Variants in PDE11A observed in about 807,000 individuals in gnomAD.
PDE11A encodes the protein phosphodiesterase 11A, also known as dual 3',5'-cyclic-AMP and -GMP phosphodiesterase 11A.
Under a neutral mutation model 100.5 loss-of-function variants are expected in PDE11A, and 100 were observed. That is an observed-to-expected ratio of 1.00 (90% CI 0.85 to 1.18). The LOEUF is 1.18. Ranked by LOEUF, PDE11A falls within the 50% of genes most tolerant of loss-of-function variation. PDE11A has a pLI of 0.00. For synonymous variants in PDE11A, 381 were observed against 420.8 expected (o/e 0.91, Z 1.16); for missense variants, 1,141 against 1,152.6 (o/e 0.99, Z 0.15).
intron 2 of PDE11A, among the ~76,000 whole-genome samples, chr2:177,957,587 G>C (rs577127353): frequency 4.1e-4 from 62 of 152,202 alleles, no homozygotes; most frequent in Admixed American, 1.1e-3. Flanking sequence ...AAATAAAACA[G>C]AGCCCATTGA....
rs894311622 is a variant in PDE11A, at chr2:178,061,554, G to A, written c.912+9972C>T. On this transcript the variant is annotated intron_variant, in intron 1 of 19. Coordinates refer to ENST00000286063, the MANE Select transcript of PDE11A (RefSeq NM_016953.4). ...AAGCGTCTACTCTATGCCAGATCCC[G>A]TGGTAGGTACTAAGTTAGAATTCAA... is the stretch of plus-strand genomic sequence containing the variant. Among the ~76,000 whole-genome samples the A allele has an allele frequency of 6.6e-5, 10 of 152,142 alleles. 1 individual carries two copies. Among genetic ancestry groups the A allele is most frequent in the African/African-American group, 1.9e-4 (8 of 41,424 alleles).
chr2:177,941,249 A>G (rs975246823), intron 2 of PDE11A, among the ~76,000 whole-genome samples: 1 of 152,154 alleles, frequency 6.6e-6, no homozygotes, highest in Non-Finnish European at 1.5e-5. Flanking sequence ...CTTGCCCTAA[A>G]CTTTCCACCT....
chr2:177,890,046 C>T (rs2105717267), intron 4 of PDE11A, among the ~76,000 whole-genome samples: 2 of 152,210 alleles, frequency 1.3e-5, no homozygotes, highest in Admixed American at 1.3e-4. Flanking sequence ...ATTTGAATTT[C>T]AGTTTATTGT....
chr2:177,972,986 T>G (rs2085791668), intron 2 of PDE11A, among the ~76,000 whole-genome samples: 1 of 152,104 alleles, frequency 6.6e-6, no homozygotes, highest in African/African-American at 2.4e-5. Context: ...ATAAGGCAGT[T>G]TGGGAGTTCT....
intron 12 of PDE11A, among the ~76,000 whole-genome samples, chr2:177,720,646 G>C (rs924769461): frequency 2.0e-5 from 3 of 152,168 alleles, no homozygotes; most frequent in African/African-American, 7.2e-5. Context: ...TCCTTTACCA[G>C]AGTATGCAAT....
chr2:178,006,050 C>A (rs1234891549), intron 2 of PDE11A, among the ~76,000 whole-genome samples: 1 of 152,120 alleles, frequency 6.6e-6, no homozygotes, highest in African/African-American at 2.4e-5. Flanking sequence ...TACATGCATA[C>A]CAAGCATTAT....
chr2:177,688,380 G>A (rs968135588), intron 15 of PDE11A: 1 of 152,214 alleles, frequency 6.6e-6, no homozygotes, highest in East Asian at 1.9e-4. Context: ...GAACAAGTTT[G>A]CCTATACAGC....
At chr2:177,868,023 G>A (rs2084059848) in intron 5 of PDE11A, among the ~76,000 whole-genome samples, 1 of 152,168 alleles carries the variant, frequency 6.6e-6, no homozygotes. Flanking sequence ...TTTGGGCCAT[G>A]GTGGCTGGAA....
At position 177,980,286 on chromosome 2, in the gene PDE11A, C is replaced by T. The variant is rs1239219309; in HGVS notation, c.1071+34016G>A. On this transcript the variant is annotated intron_variant, in intron 2 of 19. Coordinates refer to ENST00000286063, the MANE Select transcript of PDE11A (RefSeq NM_016953.4). ...ATTTGATAGTTTTAGCTTTTATATC[C>T]TATGACTAATGTCCAATCAACTGTC... is the stretch of plus-strand genomic sequence containing the variant. Among the ~76,000 whole-genome samples, 4 of 150,822 alleles carry T rather than the reference C, an allele frequency of 2.7e-5. 1 individual carries two copies. The highest frequency in any genetic ancestry group is 7.3e-5 in the African/African-American group (3 of 41,348).
chr2:178,072,088 G>T lies in PDE11A; in HGVS notation c.350C>A (p.Ser117Tyr). 1 of 1,614,144 alleles carries T rather than the reference G, an allele frequency of 6.2e-7. No homozygotes were observed. Among genetic ancestry groups the T allele is most frequent in the Non-Finnish European group, 8.5e-7 (1 of 1,180,004 alleles). Residue 117 changes from serine to tyrosine, a missense_variant, in exon 1 of 20, where the codon TCT becomes TAT. Coordinates refer to ENST00000286063, the MANE Select transcript of PDE11A (RefSeq NM_016953.4). Reference sequence around the variant, plus strand: ...AAAACTCTTCCTTAGCTCTTTCTGAGAAGCTCTCCGCTGCAGGTTCCCATC... The same window carrying T: ...AAAACTCTTCCTTAGCTCTTTCTGATAAGCTCTCCGCTGCAGGTTCCCATC... ...RGDGNLQRRA[S>Y]QKELRKSFAR... is the part of the protein sequence containing the mutation.
At chr2:178,009,454 A>G (rs1203303434) in intron 2 of PDE11A, among the ~76,000 whole-genome samples, 4 of 152,208 alleles carry the variant, frequency 2.6e-5, no homozygotes, top group African/African-American at 4.8e-5. Context: ...AGTAGGCTAT[A>G]TTTCATACAA....
In PDE11A at chr2:177,662,483, A is replaced by G. The variant is rs1054601418; in HGVS notation, c.2646+1383T>C. On this transcript the variant is annotated intron_variant, in intron 19 of 19. Transcript: ENST00000286063. ...AAAAGTAATTCAACATGTATAGTCAAGGTCAGTTTTGCAAAGCAAGATACA... is the reference window on the plus strand; with the variant it reads ...AAAAGTAATTCAACATGTATAGTCAGGGTCAGTTTTGCAAAGCAAGATACA... Among the ~76,000 whole-genome samples the G allele has an allele frequency of 3.3e-5, 5 of 152,376 alleles. No individual in the cohort carries two copies. The South Asian group carries it at 1.0e-3, about 32-fold the overall frequency.
At chr2:177,879,602 GCACTTCTGGTTT>G (rs2084297072) in intron 4 of PDE11A, among the ~76,000 whole-genome samples, 1 of 152,130 alleles carries the variant, frequency 6.6e-6, no homozygotes, top group Non-Finnish European at 1.5e-5. Context: ...AAAAATAAGT[GCACTTCTGGTTT>G]CACATCTTAA....
intron 6 of PDE11A, among the ~76,000 whole-genome samples, chr2:177,825,881 CA>C (rs2083219592): frequency 6.6e-6 from 1 of 152,312 alleles, no homozygotes; most frequent in Non-Finnish European, 1.5e-5. Context: ...AGCTGATTCT[CA>C]TCTTTGTGCT....
chr2:177,918,188 C>T (rs1426016437), intron 2 of PDE11A, among the ~76,000 whole-genome samples: 3 of 152,234 alleles, frequency 2.0e-5, no homozygotes, highest in Non-Finnish European at 4.4e-5. Flanking sequence ...AAACTGTCTA[C>T]ATGAGTCATC....
chr2:177,904,740 G>A (rs866668946), intron 3 of PDE11A, among the ~76,000 whole-genome samples: 6 of 151,928 alleles, frequency 3.9e-5, no homozygotes, highest in Admixed American at 6.6e-5. Context: ...TTTTAGTAGC[G>A]ACAAGGTTTC....
chr2:177,927,871 G>A (rs984922737), intron 2 of PDE11A, among the ~76,000 whole-genome samples: 14 of 152,064 alleles, frequency 9.2e-5, no homozygotes, highest in African/African-American at 2.2e-4. Context: ...TTGGGAGGCC[G>A]AGATGGGCAG....
At chr2:177,869,448 G>C (rs772879853) in intron 5 of PDE11A, among the ~76,000 whole-genome samples, 1 of 152,180 alleles carries the variant, frequency 6.6e-6, no homozygotes, top group Non-Finnish European at 1.5e-5. Flanking sequence ...AACATTTGTT[G>C]AATCCTGCTC....
At chr2:177,879,315 G>A (rs2084292500) in intron 4 of PDE11A, among the ~76,000 whole-genome samples, 1 of 152,174 alleles carries the variant, frequency 6.6e-6, no homozygotes, top group Admixed American at 6.5e-5. Context: ...GCCTATTTTA[G>A]AACCAACTTT....
Sources: allele counts gnomAD v4.1 joint callset (sites outside exome capture counted in the v4.1 genomes callset), GRCh38; gene constraint gnomAD v4.1.1; transcripts MANE v1.5; gene names NCBI Gene and HGNC (gene_info 2026-07-23, HGNC 2026-07-21).